SPIDR: variants seen among roughly 807,000 people sequenced by gnomAD.
The protein encoded by SPIDR is DNA repair-scaffolding protein.
Under a neutral mutation model 104.6 loss-of-function variants are expected in SPIDR, and 93 were observed. The ratio of observed to expected loss-of-function variants is 0.89; its 90% CI spans 0.75 to 1.06. The LOEUF (loss-of-function observed/expected upper bound fraction) is 1.06. Among genes scored for constraint, SPIDR ranks in the 50% least tolerant of loss-of-function variants. SPIDR has a pLI of 0.00. For synonymous variants in SPIDR, 431 were observed against 416.9 expected, an observed-to-expected ratio of 1.03 and a Z score of -0.41; for missense variants, 1,154 against 1,111.2, an observed-to-expected ratio of 1.04 and a Z score of -0.55.
intron 8 of SPIDR, among the ~76,000 whole-genome samples, chr8:47,499,197 A>T (rs919624233): frequency 2.0e-5 from 3 of 152,230 alleles, no homozygotes; most frequent in Non-Finnish European, 4.4e-5. Context: ...TATGAAGAGT[A>T]CGTAACACAT....
chr8:47,571,403 A>G (rs2058510475), intron 8 of SPIDR, among the ~76,000 whole-genome samples: 1 of 152,136 alleles, frequency 6.6e-6, no homozygotes, highest in Admixed American at 6.5e-5. Flanking sequence ...TATGTATTTG[A>G]TTTTTATTTG....
At chr8:47,347,108 A>G (rs1445650525) in intron 5 of SPIDR, among the ~76,000 whole-genome samples, 4 of 152,140 alleles carry the variant, frequency 2.6e-5, no homozygotes, top group African/African-American at 9.7e-5. Flanking sequence ...CCCTCTACAC[A>G]CTGCTTTAAA....
intron 2 of SPIDR, among the ~76,000 whole-genome samples, chr8:47,283,695 C>T (rs2038259245): frequency 6.6e-6 from 1 of 152,122 alleles, no homozygotes; most frequent in South Asian, 2.1e-4. Context: ...TGGTAACTTA[C>T]AGAGTAATGC....
chr8:47,525,066 G>C (rs892145813), intron 8 of SPIDR, among the ~76,000 whole-genome samples: 1 of 152,186 alleles, frequency 6.6e-6, no homozygotes, highest in African/African-American at 2.4e-5. Context: ...CATTCTTCCC[G>C]GACTAGGGTG....
chr8:47,469,851 A>G (rs2075423893), intron 8 of SPIDR, among the ~76,000 whole-genome samples: 1 of 152,180 alleles, frequency 6.6e-6, no homozygotes, highest in South Asian at 2.1e-4. Context: ...CTGTACATGT[A>G]CCCCTGAACT....
intron 7 of SPIDR, 29 bp downstream of exon 7, chr8:47,407,990 T>A (rs1554668513): frequency 2.4e-6 from 3 of 1,244,972 alleles, no homozygotes. Context: ...TCTGAGACAA[T>A]GTGTAAAAAA....
intron 5 of SPIDR, among the ~76,000 whole-genome samples, chr8:47,321,301 C>G (rs758545293): frequency 1.3e-5 from 2 of 151,588 alleles, no homozygotes; most frequent in Non-Finnish European, 3.0e-5. Flanking sequence ...ACACCAATAA[C>G]AGAGAAAGAG....
intron 14 of SPIDR, among the ~76,000 whole-genome samples, chr8:47,711,661 T>A (rs2081909684): frequency 6.6e-6 from 1 of 152,180 alleles, no homozygotes; most frequent in South Asian, 2.1e-4. Context: ...CACACACAAC[T>A]ATATCTACTT....
rs72646345 is a variant in SPIDR at position 47,508,579 on chromosome 8, C to T, written c.1097+68037C>T. Among the ~76,000 whole-genome samples the T allele has an allele frequency of 3.8e-3, 586 of 152,276 alleles. 4 individuals carry two copies. Among genetic ancestry groups the T allele is most frequent in the Admixed American group, 6.8e-3 (104 of 15,286 alleles). On this transcript the variant is annotated intron_variant, in intron 8 of 19. Transcript: ENST00000297423. The stretch of plus-strand genomic sequence containing the variant: ...AAAGATGCCGTGTTGCTTTCGGTTG[C>T]TATTGTGGCAGGGAAGAGAAGTTCA...
intron 9 of SPIDR, among the ~76,000 whole-genome samples, chr8:47,598,160 A>T (rs1266325602): frequency 6.6e-6 from 1 of 152,222 alleles, no homozygotes; most frequent in East Asian, 1.9e-4. Context: ...TATTAATCCC[A>T]TGAGATTCAT....
In SPIDR at chr8:47,488,593, A is replaced by C. The variant is rs895380987; in HGVS notation, c.1097+48051A>C. ...ATATCCCTGATGAACATTGATTCAA[A>C]AATCCTCAGTAAAATACTGGCAAAC... On this transcript the variant is annotated intron_variant, in intron 8 of 19. Transcript: ENST00000297423. Among the ~76,000 whole-genome samples the C allele has an allele frequency of 2.6e-5, 4 of 152,172 alleles. No homozygotes were observed. The East Asian group carries it at 7.8e-4, about 30-fold the overall frequency.
chr8:47,373,462 T>C (rs1352938229), intron 5 of SPIDR, among the ~76,000 whole-genome samples: 7 of 152,170 alleles, frequency 4.6e-5, no homozygotes, highest in Admixed American at 4.6e-4. Context: ...AGGTTTAAAA[T>C]GTGGCAGTAG....
At chr8:47,698,419 C>T (rs1224655535) in intron 11 of SPIDR, among the ~76,000 whole-genome samples, 1 of 152,174 alleles carries the variant, frequency 6.6e-6, no homozygotes, top group Non-Finnish European at 1.5e-5. Flanking sequence ...TGCCCCCAGA[C>T]AACTCTGCTT....
At chr8:47,614,250 C>T (rs1275415329) in intron 10 of SPIDR, among the ~76,000 whole-genome samples, 3 of 151,588 alleles carry the variant, frequency 2.0e-5, no homozygotes, top group African/African-American at 4.9e-5. Context: ...GATGGAGTCT[C>T]GCTGTGTTGC....
chr8:47,513,758 G>GGT (rs1224737187), intron 8 of SPIDR, among the ~76,000 whole-genome samples: 1 of 152,184 alleles, frequency 6.6e-6, no homozygotes, highest in Non-Finnish European at 1.5e-5. Flanking sequence ...TAGATATAAG[G>GGT]GTGAGGGAGG....
intron 6 of SPIDR, among the ~76,000 whole-genome samples, chr8:47,405,544 C>T (rs1323805547): frequency 1.3e-5 from 2 of 152,006 alleles, no homozygotes; most frequent in Non-Finnish European, 2.9e-5. Context: ...TTCTTTACTT[C>T]TCCATATTGT....
intron 6 of SPIDR, 45 bp downstream of exon 6, chr8:47,396,671 T>C (rs2061284642): frequency 2.0e-6 from 3 of 1,533,880 alleles, no homozygotes; most frequent in African/African-American, 2.8e-5. Context: ...TTTTTCTCTT[T>C]CTTTAAAAAC....
In SPIDR at chr8:47,532,926, G is replaced by C. The variant is rs75087851; in HGVS notation, c.1098-62885G>C. Among the ~76,000 whole-genome samples, 621 of 152,270 alleles carry C rather than the reference G, an allele frequency of 4.1e-3. 5 individuals carry two copies. Among genetic ancestry groups the C allele is most frequent in the African/African-American group, 0.014 (587 of 41,554 alleles). ...AATTTAAATGATAGGATCATACAGAGTATGTTTCAGACCATAATGGAATTA... is the reference window on the plus strand; with the variant it reads ...AATTTAAATGATAGGATCATACAGACTATGTTTCAGACCATAATGGAATTA... On this transcript the variant is annotated intron_variant, in intron 8 of 19. Coordinates refer to ENST00000297423, the MANE Select transcript of SPIDR (RefSeq NM_001080394.4).
intron 16 of SPIDR, among the ~76,000 whole-genome samples, chr8:47,724,973 G>T (rs1035147107): frequency 6.6e-6 from 1 of 152,198 alleles, no homozygotes; most frequent in African/African-American, 2.4e-5. Flanking sequence ...ACCTGGTGCA[G>T]GGCTGTAGGA....
Sources: allele counts gnomAD v4.1 joint callset (sites outside exome capture counted in the v4.1 genomes callset), GRCh38; gene constraint gnomAD v4.1.1; transcripts MANE v1.5; gene names NCBI Gene and HGNC (gene_info 2026-07-23, HGNC 2026-07-21).